CTSA: variants seen among roughly 807,000 people sequenced by gnomAD.
CTSA encodes cathepsin A.
A neutral mutation model predicts 66.7 loss-of-function variants in CTSA; 42 were observed. The ratio of observed to expected loss-of-function variants is 0.63; its 90% CI spans 0.49 to 0.81. The LOEUF (loss-of-function observed/expected upper bound fraction) is 0.81, where lower values mean the gene tolerates loss of function less well. Among genes scored for constraint, CTSA ranks in the 40% least tolerant of loss-of-function variants. CTSA has a pLI of 0.00. For missense variants in CTSA, 525 were observed against 610.9 expected, an observed-to-expected ratio of 0.86 and a Z score of 1.48; for synonymous variants, 225 against 248.6, an observed-to-expected ratio of 0.91 and a Z score of 0.89.
chr20:45,892,065 T>A, intron 3 of CTSA, 38 bp downstream of exon 3: 1 of 1,578,198 alleles, frequency 6.3e-7, no homozygotes. Context: ...GTTCCCAAAG[T>A]AAAAGGCTGG....
chr20:45,894,261 C>G, intron 8 of CTSA, 189 bp downstream of exon 8: 1 of 666,638 alleles, frequency 1.5e-6, no homozygotes, highest in Non-Finnish European at 2.7e-6. Context: ...GTGGCAAATC[C>G]CATAACCTCC....
At chr20:45,894,200 T>C in intron 8 of CTSA, 128 bp downstream of exon 8, 1 of 762,712 alleles carries the variant, frequency 1.3e-6, no homozygotes, top group Non-Finnish European at 2.3e-6. Context: ...AGCAATTTAG[T>C]GTTCTCTGGG....
chr20:45,895,661 G>C lies in CTSA; in HGVS notation c.1088+528G>C, dbSNP rs578218965. Among the ~76,000 whole-genome samples, 5 of 152,210 alleles carry C rather than the reference G, an allele frequency of 3.3e-5. No homozygotes were observed. In the South Asian group the frequency reaches 1.0e-3, roughly 32 times the overall value. On this transcript the variant is annotated intron_variant, in intron 11 of 14. Transcript: ENST00000646241. ...GGTTGTTGTTTCACAGTTCACTACAGCCTCAACCTCCTAGGCTCAAGCGAT... is the reference window on the plus strand; with the variant it reads ...GGTTGTTGTTTCACAGTTCACTACACCCTCAACCTCCTAGGCTCAAGCGAT...
chr20:45,897,158 G>C lies in CTSA; in HGVS notation c.1164+118G>C, dbSNP rs1164526285. On this transcript the variant is annotated intron_variant, in intron 12 of 14. Coordinates refer to ENST00000646241, the MANE Select transcript of CTSA (RefSeq NM_000308.4). The stretch of plus-strand genomic sequence containing the variant: ...AAGGGAAGCTGAAACTCCGAAAGGC[G>C]AAGCCCAGGGTCCTGTGATTGGTGG... 4.7e-6 allele frequency: 4 copies of C among 852,620 alleles called. No homozygotes were observed. The South Asian group carries it at 5.3e-5, about 11-fold the overall frequency. 52.8% of individuals were successfully genotyped at this position (852,620 alleles called of 1,614,324 possible). A position where few individuals can be genotyped will look rare whatever the true frequency, so the allele number is the denominator to read the frequency against.
chr20:45,891,679 C>T lies in CTSA; in HGVS notation c.111C>T (p.Arg37=), dbSNP rs759243010. 1.9e-6 allele frequency: 3 copies of T among 1,612,966 alleles called. No homozygotes were observed. The highest frequency in any genetic ancestry group is 2.5e-6 in the Non-Finnish European group (3 of 1,179,966). ...CCCCCGACCAGGACGAGATCCAGCG[C>T]CTCCCCGGGCTGGCCAAGCAGCCGT... ...EAAPDQDEIQ[R]LPGLAKQPSF... is the part of the protein sequence containing the mutation. The change falls in exon 2 of 15, where the codon CGC becomes CGT. Residue 37 remains arginine, a synonymous_variant. Transcript: ENST00000646241. This position sits in a 1 kb window ranked among gnomAD's most constrained non-coding sequence, Gnocchi z 4.6.
At position 45,895,056 on chromosome 20, in the gene CTSA, T is replaced by G. The variant is rs1350330852; in HGVS notation, c.1011T>G (p.Ala337=). The G allele has an allele frequency of 6.2e-7, 1 of 1,614,062 alleles. No individual in the cohort carries two copies. The highest frequency in any genetic ancestry group is 8.5e-7 in the Non-Finnish European group (1 of 1,180,028). ...CCCCCTGCACCAACACAACAGCTGCTTCCACCTACCTCAACAACCCGTACG... is the reference window on the plus strand; with the variant it reads ...CCCCCTGCACCAACACAACAGCTGCGTCCACCTACCTCAACAACCCGTACG... ...MDPPCTNTTA[A]STYLNNPYVR... is the part of the protein sequence containing the mutation. Residue 337 remains alanine (A), a synonymous_variant, in exon 11 of 15, where the codon GCT becomes GCG. Coordinates refer to ENST00000646241, the MANE Select transcript of CTSA (RefSeq NM_000308.4).
At position 45,898,373 on chromosome 20, in the gene CTSA, G is replaced by A. The variant is rs200051553; in HGVS notation, c.1366G>A (p.Gly456Ser). 11 of 1,613,716 alleles carry A rather than the reference G, an allele frequency of 6.8e-6. No homozygotes were observed. Among genetic ancestry groups the A allele is most frequent in the African/African-American group, 1.3e-5 (1 of 74,962 alleles). ...HIAFLTIKGA[G>S]HMVPTDKPLA... ...CACGAACATTGCTCCTCAGGGCGCC[G>A]GCCACATGGTTCCCACCGACAAGCC... The change falls in exon 15 of 15, where the codon GGC (glycine) becomes AGC (serine). Residue 456 changes from glycine to serine, a missense_variant. By Grantham distance (56) the Gly-to-Ser change is moderately conservative (BLOSUM62 0). Coordinates refer to ENST00000646241, the MANE Select transcript of CTSA (RefSeq NM_000308.4). The surrounding 1 kb of genome is among the most constrained non-coding windows in gnomAD (Gnocchi z 4.6).
Position 45,891,340 on chromosome 20 carries a change from C to A in CTSA, c.-40C>A. 1 of 1,569,024 alleles carries A rather than the reference C, an allele frequency of 6.4e-7. No individual in the cohort carries two copies. The highest frequency in any genetic ancestry group is 1.3e-5 in the African/African-American group (1 of 74,130). On this transcript the variant is annotated 5_prime_UTR_variant, in exon 1 of 15. Coordinates refer to ENST00000646241, the MANE Select transcript of CTSA (RefSeq NM_000308.4). This position sits in a 1 kb window ranked among gnomAD's most constrained non-coding sequence, Gnocchi z 4.6. ...GACTCGTACACATGACTTCCAGTCC[C>A]CGGGCGCCTCCTGGAGAGCAAGGAC...
rs747739547 is a variant in CTSA, at chr20:45,894,102, T to C, written c.777+30T>C. On this transcript the variant is annotated intron_variant, in intron 8 of 14. Coordinates refer to ENST00000646241, the MANE Select transcript of CTSA (RefSeq NM_000308.4). The stretch of plus-strand genomic sequence containing the variant: ...GGTTCTGCCATCACTTTGCATGAGC[T>C]CTCCCATCCCTAATCCTGAGAACAG... 14 of 1,437,292 alleles carry C rather than the reference T, an allele frequency of 9.7e-6. No homozygotes were observed. The Middle Eastern group carries it at 1.0e-3, about 107-fold the overall frequency. The allele number at this position is 1,437,292 out of a possible 1,614,324, so 89.0% of individuals were successfully genotyped here.
chr20:45,898,197 TG>T lies in CTSA; in HGVS notation c.1359+91del. On this transcript the variant is annotated intron_variant, in intron 14 of 14. Coordinates refer to ENST00000646241, the MANE Select transcript of CTSA (RefSeq NM_000308.4). The surrounding 1 kb of genome is among the most constrained non-coding windows in gnomAD (Gnocchi z 4.6). ...CTTTCCCTCTGGCTGCCTTTTAGGC[TG>T]GGTCATGGGTCACCATCTGGCCCCT... The T allele has an allele frequency of 2.1e-6, 3 of 1,440,602 alleles. No individual in the cohort carries two copies. Among genetic ancestry groups the T allele is most frequent in the East Asian group, 2.4e-5 (1 of 42,356 alleles). 89.2% of individuals were successfully genotyped at this position (1,440,602 alleles called of 1,614,324 possible). A position where few individuals can be genotyped will look rare whatever the true frequency, so the allele number is the denominator to read the frequency against.
rs1987037519 is a variant in CTSA at position 45,892,792 on chromosome 20, A to G, written c.512A>G (p.Lys171Arg). Residue 171 changes from lysine to arginine, a missense_variant, in exon 6 of 15, where the codon AAA becomes AGA. Lys to Arg is a conservative substitution (Grantham distance 26). Around this residue, in one of 3 missense-constraint regions of CTSA, gnomAD observed 246 missense variants for 267.4 expected, o/e 0.92. Coordinates refer to ENST00000646241, the MANE Select transcript of CTSA (RefSeq NM_000308.4). ...FRLFPEYKNNKLFLTGESYAG... is the reference protein window; with the variant it reads ...FRLFPEYKNNRLFLTGESYAG... ...CTCTTTCCGGAGTACAAGAACAACA[A>G]ACTTTTCCTGACCGGGGAGAGCTAT... 1.2e-6 allele frequency: 2 copies of G among 1,614,188 alleles called. No individual in the cohort carries two copies. Among genetic ancestry groups the G allele is most frequent in the Non-Finnish European group, 1.7e-6 (2 of 1,180,032 alleles).
In CTSA at chr20:45,897,817, G is replaced by A. The variant is rs575443534; in HGVS notation, c.1254+11G>A. On this transcript the variant is annotated intron_variant, in intron 13 of 14. Coordinates refer to ENST00000646241, the MANE Select transcript of CTSA (RefSeq NM_000308.4). ...TCCCTCAACCAGAAGGTAAGGTAGA[G>A]ATTCCTGGCCCTGGGATAGGGGCTG... is the stretch of plus-strand genomic sequence containing the variant. 1 of 1,597,672 alleles carries A rather than the reference G, an allele frequency of 6.3e-7. No individual in the cohort carries two copies. Among genetic ancestry groups the A allele is most frequent in the East Asian group, 2.2e-5 (1 of 44,752 alleles).
chr20:45,893,172 C>T (rs780129287), intron 6 of CTSA, 48 bp from the exon 7 acceptor site: 4 of 1,509,862 alleles, frequency 2.6e-6, no homozygotes, highest in East Asian at 2.3e-5. Flanking sequence ...GAGGGAGGCT[C>T]TTCCTTTTTG....
rs746200419 is a variant in CTSA, at chr20:45,891,642, G to C, written c.74G>C (p.Arg25Pro). 2 of 1,612,176 alleles carry C rather than the reference G, an allele frequency of 1.2e-6. No individual in the cohort carries two copies. Among genetic ancestry groups the C allele is most frequent in the South Asian group, 1.1e-5 (1 of 91,076 alleles). The change falls in exon 2 of 15, where the codon CGA (arginine) becomes CCA (proline). Residue 25 changes from arginine (R) to proline (P), a missense_variant. Transcript: ENST00000646241. The surrounding 1 kb of genome is among the most constrained non-coding windows in gnomAD (Gnocchi z 4.6). ...LLLLLVSWASRGEAAPDQDEI... is the reference protein window; with the variant it reads ...LLLLLVSWASPGEAAPDQDEI... ...CTGCTGCTAGTGTCCTGGGCGTCCC[G>C]AGGCGAGGCAGCCCCCGACCAGGAC... is the stretch of plus-strand genomic sequence containing the variant.
chr20:45,898,312 T>A lies in CTSA; in HGVS notation c.1360-55T>A, dbSNP rs1009880393. 6.7e-7 allele frequency: 1 copy of A among 1,481,564 alleles called. No homozygotes were observed. Among genetic ancestry groups the A allele is most frequent in the African/African-American group, 1.4e-5 (1 of 71,908 alleles). The allele number at this position is 1,481,564 out of a possible 1,614,324, so 91.8% of individuals were successfully genotyped here. A position where few individuals can be genotyped will look rare whatever the true frequency, so the allele number is the denominator to read the frequency against. On this transcript the variant is annotated intron_variant, in intron 14 of 14. Transcript: ENST00000646241. The surrounding 1 kb of genome is among the most constrained non-coding windows in gnomAD (Gnocchi z 4.6). ...GAAGGAATTGCCCCCGAGTGAGCAG[T>A]TATATGGGGAGGAGGGAATGGTGGG...
chr20:45,895,217 T>G (rs1393409345), intron 11 of CTSA, 84 bp downstream of exon 11: 1 of 1,541,842 alleles, frequency 6.5e-7, no homozygotes, highest in Non-Finnish European at 9.0e-7. Flanking sequence ...GGATCTTCTG[T>G]GTAGAGTTTC....
At position 45,892,827 on chromosome 20, in the gene CTSA, T is replaced by C; in HGVS notation, c.547T>C (p.Tyr183His). The change falls in exon 6 of 15, where the codon TAC becomes CAC. Residue 183 changes from tyrosine to histidine, a missense_variant. By Grantham distance (83) the Tyr-to-His change is moderately conservative. Around this residue, in one of 3 missense-constraint regions of CTSA, gnomAD observed 246 missense variants for 267.4 expected, o/e 0.92. Coordinates refer to ENST00000646241, the MANE Select transcript of CTSA (RefSeq NM_000308.4). The stretch of plus-strand genomic sequence containing the variant: ...GACCGGGGAGAGCTATGCTGGCATC[T>C]ACATCCCCACCCTGGCCGTGCTGGT... ...FLTGESYAGI[Y>H]IPTLAVLVMQ... 3 of 1,614,176 alleles carry C rather than the reference T, an allele frequency of 1.9e-6. No homozygotes were observed. The highest frequency in any genetic ancestry group is 2.5e-6 in the Non-Finnish European group (3 of 1,180,028).
In CTSA at chr20:45,893,203, C is replaced by A. The variant is rs541720263; in HGVS notation, c.601-17C>A. On this transcript the variant is annotated splice_polypyrimidine_tract_variant and intron_variant, in intron 6 of 14. Transcript: ENST00000646241. ...TTTTGCCCTCCACATGAGCTGAGCA[C>A]CCTGGGTGTTTCACAGGGGCTGGCT... 5.0e-5 allele frequency: 81 copies of A among 1,608,172 alleles called. 1 individual carries two copies. The South Asian group carries it at 7.8e-4, about 15-fold the overall frequency.
intron 12 of CTSA, 126 bp downstream of exon 12, chr20:45,897,166 G>C: frequency 2.4e-6 from 2 of 825,556 alleles, no homozygotes; most frequent in South Asian, 2.7e-5. Flanking sequence ...GCGAAGCCCA[G>C]GGTCCTGTGA....
Sources: gnomAD v4.1 joint callset for allele counts (sites outside exome capture counted in the v4.1 genomes callset) on GRCh38, gnomAD v4.1.1 for gene constraint, gnomAD v4.1.1 regional missense constraint, Gnocchi (gnomAD v3.1) non-coding constraint, MANE v1.5 for transcripts, NCBI Gene and HGNC (gene_info 2026-07-23, HGNC 2026-07-21) for gene names.